The following MOCOS variants were observed in gnomAD, a reference collection of about 807,000 sequenced individuals.
MOCOS encodes the protein human molybdenum cofactor sulfurase.
A neutral mutation model predicts 83.6 loss-of-function variants in MOCOS; 86 were observed. That is an observed-to-expected ratio of 1.03 (90% CI 0.86 to 1.23). The LOEUF (loss-of-function observed/expected upper bound fraction) is 1.23, where lower values mean the gene tolerates loss of function less well. MOCOS is among the 50% of genes most tolerant of loss of function. The probability of loss-of-function intolerance (pLI) is 0.00; values close to 1 mark genes in which losing one functional copy is unlikely to be tolerated. For missense variants in MOCOS, 1,120 were observed against 1,126.9 expected (o/e 0.99, Z 0.09); for synonymous variants, 445 against 434.7 (o/e 1.02, Z -0.29).
intron 1 of MOCOS, among the ~76,000 whole-genome samples, chr18:36,191,767 CACAT>C (rs60049249): frequency 0.15 from 22,677 of 149,040 alleles, 1,918 homozygotes; most frequent in East Asian, 0.33. Context: ...CACACACACA[CACAT>C]GTGAGCCATA....
chr18:36,258,812 A>G (rs961062220), intron 12 of MOCOS, among the ~76,000 whole-genome samples: 2 of 152,188 alleles, frequency 1.3e-5, no homozygotes, highest in African/African-American at 4.8e-5. Context: ...TCCTCTGTTG[A>G]ATGAGGCAAA....
intron 1 of MOCOS, among the ~76,000 whole-genome samples, chr18:36,192,345 A>G (rs907417667): frequency 6.6e-6 from 1 of 152,262 alleles, no homozygotes; most frequent in Non-Finnish European, 1.5e-5. Flanking sequence ...AATTAGAAAA[A>G]CAATTCCGAA....
intron 9 of MOCOS, among the ~76,000 whole-genome samples, chr18:36,245,926 T>A (rs574834656): frequency 6.6e-6 from 1 of 152,320 alleles, no homozygotes; most frequent in Non-Finnish European, 1.5e-5. Context: ...GCTGAAACTT[T>A]CCTGTGTATT....
Position 36,267,767 on chromosome 18 carries a change from A to C in MOCOS, c.2515-766A>C, listed in dbSNP as rs140449698. ...ACAAATACAATACTAAGGTCCATGA[A>C]AATAGTGTTTCTCAGCATCACTGCA... is the stretch of plus-strand genomic sequence containing the variant. On this transcript the variant is annotated intron_variant, in intron 14 of 14. Coordinates refer to ENST00000261326, the MANE Select transcript of MOCOS (RefSeq NM_017947.4). Among the ~76,000 whole-genome samples, 9 of 152,336 alleles carry C rather than the reference A, an allele frequency of 5.9e-5. No homozygotes were observed. The East Asian group carries it at 1.5e-3, about 26-fold the overall frequency.
At chr18:36,256,927 T>C (rs1188630491) in intron 11 of MOCOS, 41 bp from the exon 12 acceptor site, 3 of 1,524,932 alleles carry the variant, frequency 2.0e-6, no homozygotes, top group African/African-American at 1.4e-5. Context: ...ACTGGCATTC[T>C]GAGAAAGCAA....
At chr18:36,195,857 G>A (rs2091385314) in intron 2 of MOCOS, among the ~76,000 whole-genome samples, 1 of 152,228 alleles carries the variant, frequency 6.6e-6, no homozygotes, top group Non-Finnish European at 1.5e-5. Context: ...AAGGACTATG[G>A]ACAAAAGGTG....
chr18:36,222,173 A>T (rs1049956181), intron 9 of MOCOS, among the ~76,000 whole-genome samples: 1 of 152,206 alleles, frequency 6.6e-6, no homozygotes, highest in Non-Finnish European at 1.5e-5. Flanking sequence ...GGCTATTGGA[A>T]ATAGAGCTGC....
intron 6 of MOCOS, among the ~76,000 whole-genome samples, chr18:36,212,384 C>T (rs2091458539): frequency 1.4e-5 from 2 of 143,526 alleles, no homozygotes; most frequent in Non-Finnish European, 3.1e-5. Flanking sequence ...CTGGTGGGAG[C>T]TGGACGGGGG....
chr18:36,257,577 A>T (rs145117568), intron 12 of MOCOS, among the ~76,000 whole-genome samples: 293 of 152,252 alleles, frequency 1.9e-3, no homozygotes, highest in African/African-American at 5.9e-3. Context: ...ACTCCCACCC[A>T]GTGCTCTCCC....
chr18:36,226,670 A>T (rs919299430), intron 9 of MOCOS, among the ~76,000 whole-genome samples: 1 of 143,252 alleles, frequency 7.0e-6, no homozygotes, highest in Non-Finnish European at 1.5e-5. Flanking sequence ...ATGGGCTTTA[A>T]TTCCTTTGTC....
At chr18:36,224,280 T>A (rs1401656065) in intron 9 of MOCOS, among the ~76,000 whole-genome samples, 1 of 152,218 alleles carries the variant, frequency 6.6e-6, no homozygotes, top group Non-Finnish European at 1.5e-5. Flanking sequence ...TGTCTTTTAT[T>A]TCTTTTTCTT....
chr18:36,255,664 G>A (rs1052143371), intron 11 of MOCOS, among the ~76,000 whole-genome samples: 2 of 152,100 alleles, frequency 1.3e-5, no homozygotes, highest in Non-Finnish European at 2.9e-5. Flanking sequence ...CTGGAGGGCA[G>A]TTCTCTCAAA....
chr18:36,212,022 T>A (rs368282352), intron 6 of MOCOS, among the ~76,000 whole-genome samples: 14 of 152,202 alleles, frequency 9.2e-5, no homozygotes, highest in African/African-American at 3.1e-4. Context: ...CCAAGCCACA[T>A]GGAGACGCCA....
intron 9 of MOCOS, among the ~76,000 whole-genome samples, chr18:36,223,930 C>CAA (rs1400328982): frequency 6.6e-6 from 1 of 152,164 alleles, no homozygotes; most frequent in Non-Finnish European, 1.5e-5. Flanking sequence ...CTCCTGGGCT[C>CAA]AAGCAATCCT....
rs1324919766 is a variant in MOCOS, at chr18:36,269,977, C to T, written c.*1292C>T. ...CACATTTGTAGGACTTTGTGTTGTT[C>T]CCAGCACTAGGTGAGATTTGAAAGA... On this transcript the variant is annotated 3_prime_UTR_variant, in exon 15 of 15. Coordinates refer to ENST00000261326, the MANE Select transcript of MOCOS (RefSeq NM_017947.4). 1 of 152,192 alleles carries T rather than the reference C, an allele frequency of 6.6e-6. No homozygotes were observed. Among genetic ancestry groups the T allele is most frequent in the African/African-American group, 2.4e-5 (1 of 41,424 alleles). The allele number at this position is 152,192 out of a possible 1,614,324, so 9.4% of individuals were successfully genotyped here.
At chr18:36,196,863 A>T (rs906380683) in intron 2 of MOCOS, among the ~76,000 whole-genome samples, 2 of 152,102 alleles carry the variant, frequency 1.3e-5, no homozygotes, top group African/African-American at 4.8e-5. Flanking sequence ...CCAGAAATCC[A>T]GTGCAATCTT....
chr18:36,213,007 T>C (rs1481094564), intron 6 of MOCOS, among the ~76,000 whole-genome samples: 2 of 152,164 alleles, frequency 1.3e-5, no homozygotes, highest in Non-Finnish European at 2.9e-5. Context: ...TGAAAAGCAA[T>C]TCTGTGATTA....
intron 11 of MOCOS, 25 bp from the exon 12 acceptor site, chr18:36,256,942 TC>T (rs1428500033): frequency 6.3e-7 from 1 of 1,579,348 alleles, no homozygotes; most frequent in Admixed American, 1.7e-5. Context: ...AAGCAACTCT[TC>T]TTTTAAATGC....
At chr18:36,199,629 A>G in intron 3 of MOCOS, 54 bp from the exon 4 acceptor site, 2 of 1,609,884 alleles carry the variant, frequency 1.2e-6, no homozygotes, top group Non-Finnish European at 1.7e-6. Context: ...GCCTGCAAAC[A>G]TTCAGTGCTG....
Sources: allele counts gnomAD v4.1 joint callset (sites outside exome capture counted in the v4.1 genomes callset), GRCh38; gene constraint gnomAD v4.1.1; transcripts MANE v1.5; gene names NCBI Gene and HGNC (gene_info 2026-07-23, HGNC 2026-07-21).